Variants in CELF4 observed in about 807,000 individuals in gnomAD.
CELF4 encodes CUG-BP- and ETR-3-like factor 4.
A neutral mutation model predicts 59.9 loss-of-function variants in CELF4; 18 were observed. That is an observed-to-expected ratio of 0.30 (90% CI 0.21 to 0.45). The LOEUF (loss-of-function observed/expected upper bound fraction) is 0.45. CELF4 is among the 20% of genes least tolerant of loss of function. The pLI, the probability that CELF4 is intolerant of heterozygous loss-of-function variation, is 1.00. For synonymous variants in CELF4, 261 were observed against 267.1 expected (o/e 0.98, Z 0.22); for missense variants, 456 against 689.0 (o/e 0.66, Z 3.79).
At chr18:37,398,989 C>T (rs1226140703) in intron 2 of CELF4, among the ~76,000 whole-genome samples, 1 of 152,160 alleles carries the variant, frequency 6.6e-6, no homozygotes, top group African/African-American at 2.4e-5. Context: ...GTGGGTGAGG[C>T]CTGCCCACTG....
chr18:37,452,507 AG>A (rs1569569461), intron 2 of CELF4, among the ~76,000 whole-genome samples: 1 of 152,092 alleles, frequency 6.6e-6, no homozygotes, highest in Non-Finnish European at 1.5e-5. Context: ...TGCCTGGGGT[AG>A]GGACATAGGC....
chr18:37,395,061 G>A (rs979346522), intron 2 of CELF4, among the ~76,000 whole-genome samples: 23 of 151,676 alleles, frequency 1.5e-4, no homozygotes, highest in Non-Finnish European at 3.1e-4. Flanking sequence ...TCCAAGGCCC[G>A]TGGCCATGGG....
At chr18:37,504,094 C>G (rs1402059565) in intron 1 of CELF4, among the ~76,000 whole-genome samples, 1 of 152,174 alleles carries the variant, frequency 6.6e-6, no homozygotes, top group East Asian at 1.9e-4. Flanking sequence ...AGCTAAGCCA[C>G]TTTTCTTCTT....
chr18:37,335,732 G>T (rs1446123395), intron 2 of CELF4, among the ~76,000 whole-genome samples: 1 of 151,930 alleles, frequency 6.6e-6, no homozygotes, highest in Non-Finnish European at 1.5e-5. Flanking sequence ...CCCTAAACCT[G>T]CCCCACTCTC....
At chr18:37,274,775 T>C in intron 5 of CELF4, 30 bp downstream of exon 5, 2 of 1,545,328 alleles carry the variant, frequency 1.3e-6, no homozygotes, top group Non-Finnish European at 1.7e-6. Context: ...GCCGCTGCCC[T>C]CGCCCCCGCC....
At chr18:37,524,754 C>G (rs1023191722) in intron 1 of CELF4, among the ~76,000 whole-genome samples, 1 of 152,190 alleles carries the variant, frequency 6.6e-6, no homozygotes, top group Non-Finnish European at 1.5e-5. Flanking sequence ...GCTCCCCAGC[C>G]GAACATCCCC....
intron 2 of CELF4, among the ~76,000 whole-genome samples, chr18:37,420,775 A>C (rs1166774327): frequency 6.6e-6 from 1 of 152,158 alleles, no homozygotes; most frequent in East Asian, 1.9e-4. Context: ...CACAAACTGC[A>C]AGCCAGGCAC....
intron 1 of CELF4, among the ~76,000 whole-genome samples, chr18:37,519,724 G>A (rs929131610): frequency 5.9e-5 from 9 of 152,190 alleles, no homozygotes; most frequent in African/African-American, 1.7e-4. Context: ...GCCTTGGCTC[G>A]CATATGCTCT....
chr18:37,379,901 C>T (rs2099016207), intron 2 of CELF4, among the ~76,000 whole-genome samples: 1 of 152,162 alleles, frequency 6.6e-6, no homozygotes, highest in Non-Finnish European at 1.5e-5. Flanking sequence ...CAGGGAACCT[C>T]AGTGAGGGAG....
chr18:37,434,558 G>A, intron 2 of CELF4, among the ~76,000 whole-genome samples: 1 of 152,160 alleles, frequency 6.6e-6, no homozygotes, highest in East Asian at 1.9e-4. Context: ...TTACACCAGC[G>A]AAGAGCAGCG....
At position 37,273,080 on chromosome 18, in the gene CELF4, C is replaced by T; in HGVS notation, c.885G>A (p.Gln295=). ...TGTTGAGGGCCGCCATCTGCTGCAT[C>T]TGGGCGGCAGCGAAGGCAGCCATGG... is the stretch of plus-strand genomic sequence containing the variant. ...LNPMAAFAAA[Q]MQQMAALNMN... Residue 295 remains glutamine, a synonymous_variant, in exon 7 of 13, where the codon CAG becomes CAA. Coordinates refer to ENST00000420428, the MANE Select transcript of CELF4 (RefSeq NM_020180.4). 2 of 1,613,166 alleles carry T rather than the reference C, an allele frequency of 1.2e-6. No individual in the cohort carries two copies. The highest frequency in any genetic ancestry group is 1.7e-6 in the Non-Finnish European group (2 of 1,179,954).
Position 37,417,370 on chromosome 18 carries a change from C to G in CELF4, c.369+68155G>C, listed in dbSNP as rs117125527. Among the ~76,000 whole-genome samples the G allele has an allele frequency of 4.3e-4, 65 of 152,338 alleles. 1 individual carries two copies. The East Asian group carries it at 8.7e-3, about 20-fold the overall frequency. On this transcript the variant is annotated intron_variant, in intron 2 of 12. Coordinates refer to ENST00000420428, the MANE Select transcript of CELF4 (RefSeq NM_020180.4). ...CAGCCAATGGCCCAGAGACAGAGCA[C>G]TGGGCTTCCCCTGCCTTTCCACTTC... is the stretch of plus-strand genomic sequence containing the variant.
intron 1 of CELF4, among the ~76,000 whole-genome samples, chr18:37,491,452 C>G (rs940809100): frequency 1.3e-5 from 2 of 152,180 alleles, no homozygotes; most frequent in South Asian, 4.1e-4. Context: ...CTTGATGCCT[C>G]GTCTCTGAAT....
intron 1 of CELF4, among the ~76,000 whole-genome samples, chr18:37,490,599 C>A (rs189876183): frequency 6.6e-6 from 1 of 151,952 alleles, no homozygotes; most frequent in Admixed American, 6.5e-5. Context: ...CTGGCTGCTG[C>A]GGTGCTGGGA....
chr18:37,272,242 G>A (rs970310162), intron 7 of CELF4, among the ~76,000 whole-genome samples: 4 of 152,202 alleles, frequency 2.6e-5, no homozygotes, highest in African/African-American at 9.6e-5. Flanking sequence ...GGGCCAGATA[G>A]TTCCTTGTGG....
intron 3 of CELF4, among the ~76,000 whole-genome samples, chr18:37,290,617 C>G (rs1247925361): frequency 2.0e-5 from 3 of 152,158 alleles, no homozygotes; most frequent in Middle Eastern, 3.2e-3. Context: ...CATTACCTAT[C>G]TAGAGGGAAG....
chr18:37,405,101 G>A lies in CELF4; in HGVS notation c.369+80424C>T, dbSNP rs968655265. Among the ~76,000 whole-genome samples, 8 of 148,330 alleles carry A rather than the reference G, an allele frequency of 5.4e-5. No individual in the cohort carries two copies. The East Asian group carries it at 7.7e-4, about 14-fold the overall frequency. ...CTGAAAGCAGGCCCCAACCCCCCCCGTGTCCTTTCCTTCAGATTCCTGGTT... is the reference window on the plus strand; with the variant it reads ...CTGAAAGCAGGCCCCAACCCCCCCCATGTCCTTTCCTTCAGATTCCTGGTT... On this transcript the variant is annotated intron_variant, in intron 2 of 12. Coordinates refer to ENST00000420428, the MANE Select transcript of CELF4 (RefSeq NM_020180.4).
chr18:37,359,228 G>A (rs1297649943), intron 2 of CELF4, among the ~76,000 whole-genome samples: 4 of 152,244 alleles, frequency 2.6e-5, no homozygotes, highest in African/African-American at 9.6e-5. Context: ...TGAAGACTCA[G>A]CCCATGTGAG....
At chr18:37,534,937 C>A (rs1478622005) in intron 1 of CELF4, among the ~76,000 whole-genome samples, 10 of 152,148 alleles carry the variant, frequency 6.6e-5, no homozygotes, top group Non-Finnish European at 1.3e-4. Flanking sequence ...TCGTGGAACC[C>A]TGATGCTGCC....
Sources: allele counts gnomAD v4.1 joint callset (sites outside exome capture counted in the v4.1 genomes callset), GRCh38; gene constraint gnomAD v4.1.1; transcripts MANE v1.5; gene names NCBI Gene and HGNC (gene_info 2026-07-23, HGNC 2026-07-21).